DNALI1: variants seen among roughly 807,000 people sequenced by gnomAD.
DNALI1 encodes axonemal dynein light intermediate polypeptide 1.
DNALI1 carries 31 observed loss-of-function variants against 33.9 expected under a neutral mutation model. The ratio of observed to expected loss-of-function variants is 0.91; its 90% CI spans 0.69 to 1.23. The LOEUF is 1.23. Ranked by LOEUF, DNALI1 falls within the 50% of genes most tolerant of loss-of-function variation. The pLI is 0.00. For missense variants in DNALI1, 305 were observed against 323.8 expected (o/e 0.94, Z 0.44); for synonymous variants, 117 against 129.2 (o/e 0.91, Z 0.64).
chr1:37,557,118 G>C, intron 1 of DNALI1, 43 bp downstream of exon 1: 1 of 1,613,480 alleles, frequency 6.2e-7, no homozygotes. Context: ...TCGAAACTCC[G>C]ATAGGGAAAG....
rs988959664 is a variant in DNALI1, at chr1:37,566,188, G to A, written c.*1127G>A. On this transcript the variant is annotated 3_prime_UTR_variant, in exon 6 of 6. Coordinates refer to ENST00000652629, the MANE Select transcript of DNALI1 (RefSeq NM_003462.5). ...GCACTGTCATTTCCCCAGAAAAGCT[G>A]TGTTCCCTATGCTGAACACACCATA... 2 of 152,258 alleles carry A rather than the reference G, an allele frequency of 1.3e-5. No homozygotes were observed. The highest frequency in any genetic ancestry group is 1.5e-5 in the Non-Finnish European group (1 of 68,080). The allele number at this position is 152,258 out of a possible 1,614,324, so 9.4% of individuals were successfully genotyped here.
chr1:37,557,834 TG>T, intron 2 of DNALI1, 86 bp downstream of exon 2: 1 of 1,568,652 alleles, frequency 6.4e-7, no homozygotes, highest in Non-Finnish European at 8.7e-7. Flanking sequence ...ACTCTGCCTC[TG>T]TTCCTGGCTG....
At chr1:37,563,815 T>C (rs1017433264) in intron 5 of DNALI1, among the ~76,000 whole-genome samples, 7 of 152,128 alleles carry the variant, frequency 4.6e-5, no homozygotes, top group Non-Finnish European at 7.4e-5. Flanking sequence ...CAAAACTGCA[T>C]TGCAAATAAA....
In DNALI1 at chr1:37,559,344, C is replaced by T. The variant is rs750180667; in HGVS notation, c.245C>T (p.Thr82Met). 6.9e-6 allele frequency: 11 copies of T among 1,604,844 alleles called. No homozygotes were observed. The highest frequency in any genetic ancestry group is 6.8e-5 in the East Asian group (3 of 44,436). The change falls in exon 3 of 6, where the codon ACG becomes ATG. Residue 82 changes from threonine to methionine, a missense_variant. Transcript: ENST00000652629. This position sits in a 1 kb window ranked among gnomAD's most constrained non-coding sequence, Gnocchi z 5.3. ...TGCCACAGGGAGTGGGTGGAAGACA[C>T]GCAGCTATGGATCCAGCAGGTGTCC... ...ILPPREWVED[T>M]QLWIQQVSST...
Position 37,562,168 on chromosome 1 carries a change from A to G in DNALI1, c.664A>G (p.Ser222Gly). ...AKCEATEKRE[S>G]ERRQVEEKKH... ...ATGTGAAGCCACTGAGAAGCGGGAGAGCGAGAGGCGGCAGGTGGAGGAGAA... is the reference window on the plus strand; with the variant it reads ...ATGTGAAGCCACTGAGAAGCGGGAGGGCGAGAGGCGGCAGGTGGAGGAGAA... Residue 222 changes from serine (S) to glycine (G), a missense_variant, in exon 5 of 6, where the codon AGC (serine) becomes GGC (glycine). Coordinates refer to ENST00000652629, the MANE Select transcript of DNALI1 (RefSeq NM_003462.5). This position sits in a 1 kb window ranked among gnomAD's most constrained non-coding sequence, Gnocchi z 5.8. The G allele has an allele frequency of 1.2e-6, 2 of 1,614,024 alleles. No homozygotes were observed. Among genetic ancestry groups the G allele is most frequent in the Non-Finnish European group, 1.7e-6 (2 of 1,179,986 alleles).
Position 37,561,721 on chromosome 1 carries a change from G to T in DNALI1, c.562G>T (p.Asp188Tyr). The part of the protein sequence containing the change: ...KALQAEQGKS[D>Y]MERKIAELET... The stretch of plus-strand genomic sequence containing the variant: ...ACTGCAGGCTGAGCAGGGGAAGTCA[G>T]ACATGGAGAGGAAAGTGAGTGGGGT... Residue 188 changes from aspartate (D) to tyrosine (Y), a missense_variant, in exon 4 of 6, where the codon GAC (aspartate) becomes TAC (tyrosine). Transcript: ENST00000652629. The surrounding 1 kb of genome is among the most constrained non-coding windows in gnomAD (Gnocchi z 4.6). The T allele has an allele frequency of 6.2e-7, 1 of 1,613,820 alleles. No homozygotes were observed. Among genetic ancestry groups the T allele is most frequent in the Non-Finnish European group, 8.5e-7 (1 of 1,179,782 alleles).
intron 3 of DNALI1, among the ~76,000 whole-genome samples, chr1:37,560,127 A>G (rs1019047126): frequency 1.2e-4 from 18 of 152,230 alleles, no homozygotes; most frequent in African/African-American, 3.9e-4. Context: ...ACAAACGTAC[A>G]ATCAGGTTTT....
chr1:37,565,760 C>G lies in DNALI1; in HGVS notation c.*699C>G, dbSNP rs1168312065. The stretch of plus-strand genomic sequence containing the variant: ...CTTCCCCCAGCACAGATCTGTTCCC[C>G]TTATCCTGCAGAAAATCAAGCCCTG... On this transcript the variant is annotated 3_prime_UTR_variant, in exon 6 of 6. Transcript: ENST00000652629. The G allele has an allele frequency of 6.6e-6, 1 of 152,250 alleles. No homozygotes were observed. Among genetic ancestry groups the G allele is most frequent in the East Asian group, 1.9e-4 (1 of 5,190 alleles). The allele number at this position is 152,250 out of a possible 1,614,324, so 9.4% of individuals were successfully genotyped here.
chr1:37,562,466 T>C lies in DNALI1; in HGVS notation c.741+221T>C, dbSNP rs1456375349. On this transcript the variant is annotated intron_variant, in intron 5 of 5. Coordinates refer to ENST00000652629, the MANE Select transcript of DNALI1 (RefSeq NM_003462.5). The surrounding 1 kb of genome is among the most constrained non-coding windows in gnomAD (Gnocchi z 5.8). ...GAGGCGCCTCAGCCTGGCTCTCCAGTGGAGGATTCTTCTCCCTGGAAAAAA... is the reference window on the plus strand; with the variant it reads ...GAGGCGCCTCAGCCTGGCTCTCCAGCGGAGGATTCTTCTCCCTGGAAAAAA... Among the ~76,000 whole-genome samples the C allele has an allele frequency of 1.3e-5, 2 of 151,934 alleles. No homozygotes were observed. The highest frequency in any genetic ancestry group is 3.9e-4 in the East Asian group (2 of 5,166).
chr1:37,558,701 CATT>C (rs1643401264), intron 2 of DNALI1, among the ~76,000 whole-genome samples: 1 of 152,206 alleles, frequency 6.6e-6, no homozygotes. Flanking sequence ...TGGTTCCTTT[CATT>C]TCTTCCAGGC....
intron 1 of DNALI1, among the ~76,000 whole-genome samples, chr1:37,557,342 A>G (rs776990713): frequency 5.9e-5 from 9 of 152,192 alleles, no homozygotes; most frequent in Non-Finnish European, 1.2e-4. Context: ...GGGTCCAAGA[A>G]CAGATGACTA....
intron 5 of DNALI1, among the ~76,000 whole-genome samples, chr1:37,563,777 T>C (rs1643467559): frequency 6.6e-6 from 1 of 152,124 alleles, no homozygotes; most frequent in African/African-American, 2.4e-5. Flanking sequence ...AGGCTTGTAA[T>C]ACAGGAAGTG....
chr1:37,565,060 G>A lies in DNALI1; in HGVS notation c.776G>A (p.Ter259=), dbSNP rs1478736176. The change falls in exon 6 of 6, where the codon TGA becomes TAA. Residue 259 remains the stop codon, a stop_retained_variant. Coordinates refer to ENST00000652629, the MANE Select transcript of DNALI1 (RefSeq NM_003462.5). ...GAAGGCATTATTGCACCAAAGAAGT[G>A]ATAATTTCCACATGATTAATTTCCA... The part of the protein sequence containing the change: ...QLEGIIAPKK[*] The A allele has an allele frequency of 1.9e-6, 3 of 1,614,128 alleles. No individual in the cohort carries two copies. Among genetic ancestry groups the A allele is most frequent in the Non-Finnish European group, 2.5e-6 (3 of 1,180,024 alleles).
chr1:37,564,387 AT>A (rs879767263), intron 5 of DNALI1, among the ~76,000 whole-genome samples: 273 of 144,338 alleles, frequency 1.9e-3, no homozygotes, highest in Middle Eastern at 3.6e-3. Context: ...GAGAGCCAAT[AT>A]TTTTTTTTTT....
intron 2 of DNALI1, 150 bp downstream of exon 2, chr1:37,557,898 T>G: frequency 9.1e-7 from 1 of 1,093,054 alleles, no homozygotes; most frequent in Non-Finnish European, 1.3e-6. Flanking sequence ...GGCTGGATCC[T>G]GGCAGGGTGG....
Position 37,561,596 on chromosome 1 carries a change from G to T in DNALI1, c.437G>T (p.Arg146Met). ...IREVTINCAE[R>M]GLLLLRVRDE... is the part of the protein sequence containing the mutation. ...GAGGTCACCATCAACTGTGCGGAGA[G>T]GGGGCTGCTGCTGCTGCGAGTCCGG... Residue 146 changes from arginine to methionine, a missense_variant, in exon 4 of 6, where the codon AGG (arginine) becomes ATG (methionine). Physicochemically the swap from Arg to Met is moderately conservative, Grantham distance 91. Transcript: ENST00000652629. The surrounding 1 kb of genome is among the most constrained non-coding windows in gnomAD (Gnocchi z 4.6). The T allele has an allele frequency of 6.2e-7, 1 of 1,613,900 alleles. No homozygotes were observed. Among genetic ancestry groups the T allele is most frequent in the South Asian group, 1.1e-5 (1 of 90,998 alleles).
Position 37,561,693 on chromosome 1 carries a change from G to A in DNALI1, c.534G>A (p.Lys178=), listed in dbSNP as rs759907358. The A allele has an allele frequency of 5.0e-6, 8 of 1,614,034 alleles. No individual in the cohort carries two copies. In the South Asian group the frequency reaches 6.6e-5, roughly 13 times the overall value. Residue 178 remains lysine, a synonymous_variant, in exon 4 of 6, where the codon AAG becomes AAA. Transcript: ENST00000652629. This position sits in a 1 kb window ranked among gnomAD's most constrained non-coding sequence, Gnocchi z 4.6. The part of the protein sequence containing the change: ...YESSVAFGMR[K]ALQAEQGKSD... The stretch of plus-strand genomic sequence containing the variant: ...GCAGCGTGGCGTTTGGCATGAGGAA[G>A]GCACTGCAGGCTGAGCAGGGGAAGT...
rs116583878 is a variant in DNALI1, at chr1:37,562,815, G to A, written c.741+570G>A. ...TTTATCCAGCTGAGGTGATAGGAGG[G>A]AGGGGGCTGGTGGACAAAGCTGGGC... On this transcript the variant is annotated intron_variant, in intron 5 of 5. Coordinates refer to ENST00000652629, the MANE Select transcript of DNALI1 (RefSeq NM_003462.5). The surrounding 1 kb of genome is among the most constrained non-coding windows in gnomAD (Gnocchi z 5.8). Among the ~76,000 whole-genome samples the A allele has an allele frequency of 2.4e-3, 369 of 152,334 alleles. No individual in the cohort carries two copies. Among genetic ancestry groups the A allele is most frequent in the African/African-American group, 8.5e-3 (352 of 41,582 alleles).
rs187055977 is a variant in DNALI1 at position 37,565,317 on chromosome 1, G to A, written c.*256G>A. The A allele has an allele frequency of 8.6e-5, 45 of 522,732 alleles. No homozygotes were observed. Among genetic ancestry groups the A allele is most frequent in the African/African-American group, 4.2e-4 (22 of 52,460 alleles). 32.4% of individuals were successfully genotyped at this position (522,732 alleles called of 1,614,324 possible). ...AGATGGTGTGGCCCTGTTAGTCTCC[G>A]TGTGTGGCTTACTAGCCAGCCTTGG... is the stretch of plus-strand genomic sequence containing the variant. On this transcript the variant is annotated 3_prime_UTR_variant, in exon 6 of 6. Transcript: ENST00000652629.
Sources: gnomAD v4.1 joint callset for allele counts (sites outside exome capture counted in the v4.1 genomes callset) on GRCh38, gnomAD v4.1.1 for gene constraint, Gnocchi (gnomAD v3.1) non-coding constraint, MANE v1.5 for transcripts, NCBI Gene and HGNC (gene_info 2026-07-23, HGNC 2026-07-21) for gene names.